KCND2: variants seen among roughly 807,000 people sequenced by gnomAD.
KCND2 encodes the protein A-type voltage-gated potassium channel KCND2.
KCND2 carries 16 observed loss-of-function variants against 54.4 expected under a neutral mutation model. The ratio of observed to expected loss-of-function variants is 0.29; its 90% CI spans 0.20 to 0.45. The LOEUF (loss-of-function observed/expected upper bound fraction) is 0.45. Among genes scored for constraint, KCND2 ranks in the 20% least tolerant of loss-of-function variants. The pLI is 1.00. For synonymous variants in KCND2, 317 were observed against 310.7 expected, an observed-to-expected ratio of 1.02 and a Z score of -0.21; for missense variants, 486 against 824.2, an observed-to-expected ratio of 0.59 and a Z score of 5.02.
chr7:120,467,024 A>G (rs887511839), intron 1 of KCND2, among the ~76,000 whole-genome samples: 1 of 152,188 alleles, frequency 6.6e-6, no homozygotes, highest in Admixed American at 6.6e-5. Context: ...TGGGCCCACC[A>G]GAATAATCCA....
chr7:120,294,830 A>G (rs1454556159), intron 1 of KCND2, among the ~76,000 whole-genome samples: 2 of 151,884 alleles, frequency 1.3e-5, no homozygotes, highest in Non-Finnish European at 1.5e-5. Context: ...ACATATACAT[A>G]TATACACATG....
intron 1 of KCND2, among the ~76,000 whole-genome samples, chr7:120,645,012 C>T (rs1406869306): frequency 6.6e-6 from 1 of 152,082 alleles, no homozygotes; most frequent in Non-Finnish European, 1.5e-5. Flanking sequence ...CCCATATCTG[C>T]CTTTAATGTC....
intron 1 of KCND2, among the ~76,000 whole-genome samples, chr7:120,404,311 G>A (rs1373080152): frequency 1.3e-5 from 2 of 152,022 alleles, no homozygotes; most frequent in East Asian, 3.9e-4. Flanking sequence ...AGTGCCATAG[G>A]TTTCATTAGT....
intron 1 of KCND2, among the ~76,000 whole-genome samples, chr7:120,405,037 C>A (rs1478242367): frequency 6.6e-6 from 1 of 152,040 alleles, no homozygotes; most frequent in Non-Finnish European, 1.5e-5. Context: ...TGTTTATTTG[C>A]AGTTAACAAG....
chr7:120,417,724 A>G lies in KCND2; in HGVS notation c.1115+141977A>G, dbSNP rs144361497. On this transcript the variant is annotated intron_variant, in intron 1 of 5. Transcript: ENST00000331113. ...ACATTCAAATTTCTCACCTAAGCTC[A>G]GCTAAGAATACATCATTATGGGAAG... Among the ~76,000 whole-genome samples, 34 of 152,342 alleles carry G rather than the reference A, an allele frequency of 2.2e-4. 1 individual carries two copies. In the East Asian group the frequency reaches 6.0e-3, roughly 27 times the overall value.
chr7:120,389,004 G>A (rs1328961467), intron 1 of KCND2, among the ~76,000 whole-genome samples: 1 of 151,230 alleles, frequency 6.6e-6, no homozygotes, highest in Non-Finnish European at 1.5e-5. Flanking sequence ...TTGTTGCCAT[G>A]CTGGTCTACT....
intron 1 of KCND2, among the ~76,000 whole-genome samples, chr7:120,697,765 A>G (rs1442145537): frequency 6.6e-6 from 1 of 152,208 alleles, no homozygotes; most frequent in Non-Finnish European, 1.5e-5. Flanking sequence ...ACGCCACTGA[A>G]CAATAAAATA....
Position 120,412,969 on chromosome 7 carries a change from A to G in KCND2, c.1115+137222A>G, listed in dbSNP as rs554909526. Among the ~76,000 whole-genome samples the G allele has an allele frequency of 4.6e-5, 7 of 152,170 alleles. No individual in the cohort carries two copies. The East Asian group carries it at 1.4e-3, about 29-fold the overall frequency. The stretch of plus-strand genomic sequence containing the variant: ...TCACTTGTTCTTGTGTTCACATGTT[A>G]AACACAAATTCTCAGCTTTTAGTTA... On this transcript the variant is annotated intron_variant, in intron 1 of 5. Coordinates refer to ENST00000331113, the MANE Select transcript of KCND2 (RefSeq NM_012281.3).
intron 1 of KCND2, among the ~76,000 whole-genome samples, chr7:120,616,944 C>T (rs1048011857): frequency 5.3e-5 from 8 of 152,174 alleles, no homozygotes; most frequent in African/African-American, 1.9e-4. Context: ...TTGAGCACAA[C>T]AGACACATTA....
chr7:120,473,802 G>T (rs567698983), intron 1 of KCND2, among the ~76,000 whole-genome samples: 2 of 152,174 alleles, frequency 1.3e-5, no homozygotes, highest in Non-Finnish European at 2.9e-5. Flanking sequence ...CACTATGTTA[G>T]ATATTCTTCC....
At position 120,273,380 on chromosome 7, in the gene KCND2, C is replaced by T. The variant is rs1799110111; in HGVS notation, c.-1253C>T. ...CGAGAGCCCGTGCCGGCCCCGGCCC[C>T]GGCCCCACCGCGCCAACGCCGCCCG... On this transcript the variant is annotated 5_prime_UTR_variant, in exon 1 of 6. Transcript: ENST00000331113. 6.8e-6 allele frequency among the ~76,000 whole-genome samples: 1 copy of T among 147,884 alleles called. No individual in the cohort carries two copies. The highest frequency in any genetic ancestry group is 2.1e-4 in the South Asian group (1 of 4,808).
intron 1 of KCND2, among the ~76,000 whole-genome samples, chr7:120,551,986 A>G (rs956744676): frequency 1.3e-5 from 2 of 152,234 alleles, no homozygotes; most frequent in African/African-American, 4.8e-5. Flanking sequence ...ACCCTCAGGC[A>G]TCAAGGCATC....
chr7:120,481,829 G>A (rs1180751478), intron 1 of KCND2, among the ~76,000 whole-genome samples: 1 of 152,204 alleles, frequency 6.6e-6, no homozygotes, highest in African/African-American at 2.4e-5. Context: ...CAAGAGCTAT[G>A]GGGACATAGC....
intron 1 of KCND2, among the ~76,000 whole-genome samples, chr7:120,624,783 A>AC (rs1788584863): frequency 6.6e-6 from 1 of 151,424 alleles, no homozygotes; most frequent in Admixed American, 6.6e-5. Context: ...CCTGTCTCAA[A>AC]AAAAAAAAAA....
chr7:120,436,910 T>C (rs1046390952), intron 1 of KCND2, among the ~76,000 whole-genome samples: 1 of 152,092 alleles, frequency 6.6e-6, no homozygotes, highest in Admixed American at 6.5e-5. Context: ...TCATCAAAGG[T>C]TTTAGTCATT....
At chr7:120,473,884 A>T (rs533518952) in intron 1 of KCND2, among the ~76,000 whole-genome samples, 1 of 152,200 alleles carries the variant, frequency 6.6e-6, no homozygotes, top group Non-Finnish European at 1.5e-5. Context: ...GTGGCCAGGT[A>T]GTAAGAAGGG....
chr7:120,378,133 G>T (rs764194852), intron 1 of KCND2, among the ~76,000 whole-genome samples: 8 of 151,802 alleles, frequency 5.3e-5, no homozygotes, highest in Non-Finnish European at 1.0e-4. Flanking sequence ...TTTTCTGTAT[G>T]TATATACGTG....
At chr7:120,632,423 C>A (rs1394965203) in intron 1 of KCND2, among the ~76,000 whole-genome samples, 1 of 152,060 alleles carries the variant, frequency 6.6e-6, no homozygotes, top group Non-Finnish European at 1.5e-5. Context: ...ACAGTTACTA[C>A]TTTTTTTAGA....
At chr7:120,466,044 A>G (rs765900388) in intron 1 of KCND2, among the ~76,000 whole-genome samples, 2 of 152,146 alleles carry the variant, frequency 1.3e-5, no homozygotes, top group Non-Finnish European at 2.9e-5. Flanking sequence ...GGGGCTGTCT[A>G]ATGCATTATA....
Sources: gnomAD v4.1 joint callset for allele counts (sites outside exome capture counted in the v4.1 genomes callset) on GRCh38, gnomAD v4.1.1 for gene constraint, MANE v1.5 for transcripts, NCBI Gene and HGNC (gene_info 2026-07-23, HGNC 2026-07-21) for gene names.